PRKG1: variants seen among roughly 807,000 people sequenced by gnomAD.
The protein encoded by PRKG1 is cGMP-dependent protein kinase 1.
PRKG1 carries 35 observed loss-of-function variants against 88.1 expected under a neutral mutation model. The observed-to-expected ratio is 0.40, with a 90% CI of 0.30 to 0.53. The LOEUF (loss-of-function observed/expected upper bound fraction) is 0.53, where lower values mean the gene tolerates loss of function less well. Ranked by LOEUF, PRKG1 falls within the 20% of genes least tolerant of loss-of-function variation. PRKG1 has a pLI of 0.59. For missense variants in PRKG1, 540 were observed against 839.8 expected (o/e 0.64, Z 4.41); for synonymous variants, 303 against 292.5 (o/e 1.04, Z -0.37).
intron 1 of PRKG1, among the ~76,000 whole-genome samples, chr10:51,098,148 G>T (rs191308499): frequency 2.6e-5 from 4 of 152,202 alleles, no homozygotes; most frequent in African/African-American, 9.6e-5. Flanking sequence ...ATTGTTAGGA[G>T]AGATAGTATG....
chr10:51,824,223 G>T (rs1356230797), intron 4 of PRKG1, among the ~76,000 whole-genome samples: 3 of 152,054 alleles, frequency 2.0e-5, no homozygotes, highest in Non-Finnish European at 4.4e-5. Flanking sequence ...ATAGGTCTTG[G>T]TGCTTGGACA....
intron 2 of PRKG1, among the ~76,000 whole-genome samples, chr10:51,166,617 A>AT (rs1276407504): frequency 1.3e-5 from 2 of 152,208 alleles, no homozygotes. Context: ...ATTTCTCTTC[A>AT]TTTAATCCTG....
chr10:51,654,559 C>A (rs1057253731), intron 3 of PRKG1, among the ~76,000 whole-genome samples: 2 of 151,288 alleles, frequency 1.3e-5, no homozygotes, highest in Middle Eastern at 3.4e-3. Flanking sequence ...GAAAGAAAAA[C>A]ACACACACAC....
chr10:52,265,237 G>A (rs1330509101), intron 10 of PRKG1, among the ~76,000 whole-genome samples: 8 of 151,946 alleles, frequency 5.3e-5, no homozygotes, highest in Non-Finnish European at 7.4e-5. Context: ...CTTCATCACC[G>A]TTGTTCTGTA....
At chr10:52,096,169 T>A (rs1418308765) in intron 7 of PRKG1, among the ~76,000 whole-genome samples, 1 of 152,190 alleles carries the variant, frequency 6.6e-6, no homozygotes, top group Middle Eastern at 3.2e-3. Flanking sequence ...TGGTGCTACA[T>A]CTTCTAAGAA....
intron 2 of PRKG1, among the ~76,000 whole-genome samples, chr10:51,212,445 C>T (rs926205957): frequency 2.2e-4 from 34 of 152,152 alleles, no homozygotes; most frequent in Admixed American, 6.5e-4. Context: ...GCAATGGCAA[C>T]AAAAGCCAAA....
intron 2 of PRKG1, among the ~76,000 whole-genome samples, chr10:51,381,647 C>T (rs1169862685): frequency 1.3e-5 from 2 of 152,120 alleles, no homozygotes; most frequent in Admixed American, 6.5e-5. Context: ...ATTGCTTAGT[C>T]ATTAAAATGG....
At chr10:51,988,801 AG>A (rs1396571939) in intron 5 of PRKG1, among the ~76,000 whole-genome samples, 5 of 151,824 alleles carry the variant, frequency 3.3e-5, no homozygotes, top group Admixed American at 2.0e-4. Context: ...CCCTCTTTAT[AG>A]CTTGTCTGTT....
intron 5 of PRKG1, among the ~76,000 whole-genome samples, chr10:51,971,926 A>G (rs746959482): frequency 6.6e-6 from 1 of 152,170 alleles, no homozygotes; most frequent in East Asian, 1.9e-4. Context: ...CCAGGAATCC[A>G]CTATCTAGAT....
At chr10:52,091,818 G>A (rs563431239) in intron 7 of PRKG1, among the ~76,000 whole-genome samples, 7 of 152,184 alleles carry the variant, frequency 4.6e-5, no homozygotes, top group Non-Finnish European at 8.8e-5. Context: ...GGAAAGTAAC[G>A]AAGGAGCAAA....
chr10:51,345,415 C>T (rs1842090866), intron 2 of PRKG1, among the ~76,000 whole-genome samples: 1 of 151,894 alleles, frequency 6.6e-6, no homozygotes, highest in African/African-American at 2.4e-5. Context: ...ATCAGGGCTT[C>T]AGAGTTATGG....
At chr10:51,593,484 C>A (rs1374097036) in intron 3 of PRKG1, among the ~76,000 whole-genome samples, 1 of 152,106 alleles carries the variant, frequency 6.6e-6, no homozygotes, top group African/African-American at 2.4e-5. Context: ...TGAGTGCATG[C>A]CTGTTGAGTG....
intron 1 of PRKG1, among the ~76,000 whole-genome samples, chr10:51,066,069 G>T (rs1260816996): frequency 6.6e-6 from 1 of 152,124 alleles, no homozygotes; most frequent in East Asian, 1.9e-4. Flanking sequence ...AAGGGGTTGA[G>T]AATAGGTCTT....
At chr10:51,126,385 T>C (rs1280789138) in intron 1 of PRKG1, among the ~76,000 whole-genome samples, 5 of 138,822 alleles carry the variant, frequency 3.6e-5, no homozygotes, top group Non-Finnish European at 7.6e-5. Flanking sequence ...AGTATTTATA[T>C]ATTTATAATT....
At chr10:51,628,453 AC>A (rs1564580278) in intron 3 of PRKG1, among the ~76,000 whole-genome samples, 3 of 151,330 alleles carry the variant, frequency 2.0e-5, no homozygotes, top group African/African-American at 7.3e-5. Flanking sequence ...GTGAGCCACT[AC>A]CCCCAGCCTG....
intron 2 of PRKG1, among the ~76,000 whole-genome samples, chr10:51,362,625 A>AT (rs560482137): frequency 3.3e-5 from 5 of 151,536 alleles, no homozygotes; most frequent in African/African-American, 1.2e-4. Context: ...TTGAAACTGT[A>AT]TTTTTTTTAT....
chr10:51,007,261 A>AT (rs1440717591), intron 1 of PRKG1, among the ~76,000 whole-genome samples: 1 of 152,022 alleles, frequency 6.6e-6, no homozygotes, highest in African/African-American at 2.4e-5. Context: ...GAGATTCTTA[A>AT]TTTGTAGTTA....
At chr10:52,126,841 G>A (rs144883790) in intron 7 of PRKG1, among the ~76,000 whole-genome samples, 288 of 152,298 alleles carry the variant, frequency 1.9e-3, no homozygotes, top group African/African-American at 6.5e-3. Context: ...GCAGAGGGTC[G>A]TCAGTATAGT....
intron 2 of PRKG1, among the ~76,000 whole-genome samples, chr10:51,283,998 GAACT>G (rs1298909310): frequency 6.6e-6 from 1 of 152,174 alleles, no homozygotes; most frequent in African/African-American, 2.4e-5. Flanking sequence ...TCTGTAAACA[GAACT>G]GTCTGCTATA....
Sources: gnomAD v4.1 joint callset for allele counts (sites outside exome capture counted in the v4.1 genomes callset) on GRCh38, gnomAD v4.1.1 for gene constraint, MANE v1.5 for transcripts, NCBI Gene and HGNC (gene_info 2026-07-23, HGNC 2026-07-21) for gene names.